CNTNAP2: variants seen among roughly 807,000 people sequenced by gnomAD.
CNTNAP2 encodes contactin associated protein 2.
Under a neutral mutation model 155.2 loss-of-function variants are expected in CNTNAP2, and 98 were observed. The observed-to-expected ratio is 0.63, with a 90% CI of 0.54 to 0.75. The LOEUF is 0.75. Ranked by LOEUF, CNTNAP2 falls within the 30% of genes least tolerant of loss-of-function variation. CNTNAP2 has a pLI of 0.00. For missense variants in CNTNAP2, 1,727 were observed against 1,688.1 expected, an observed-to-expected ratio of 1.02 and a Z score of -0.40; for synonymous variants, 651 against 631.2, an observed-to-expected ratio of 1.03 and a Z score of -0.47.
chr7:147,945,456 C>T (rs750536844), intron 14 of CNTNAP2, among the ~76,000 whole-genome samples: 14 of 151,896 alleles, frequency 9.2e-5, no homozygotes, highest in Middle Eastern at 3.4e-3. Flanking sequence ...ATTTGCAGTA[C>T]GAAGCAGGAA....
intron 13 of CNTNAP2, among the ~76,000 whole-genome samples, chr7:147,732,550 C>T (rs1404832654): frequency 2.0e-5 from 3 of 152,030 alleles, no homozygotes; most frequent in Admixed American, 2.0e-4. Flanking sequence ...GGGTATATAC[C>T]CAGTAATGGG....
intron 13 of CNTNAP2, among the ~76,000 whole-genome samples, chr7:147,858,454 G>C (rs897377122): frequency 6.6e-6 from 1 of 152,214 alleles, no homozygotes; most frequent in Non-Finnish European, 1.5e-5. Flanking sequence ...TGTTTTCTTA[G>C]AGCAAAAGAG....
At chr7:146,982,867 G>A (rs1330159958) in intron 3 of CNTNAP2, among the ~76,000 whole-genome samples, 2 of 152,060 alleles carry the variant, frequency 1.3e-5, no homozygotes, top group African/African-American at 4.8e-5. Flanking sequence ...CCAATTCTTT[G>A]ATATTGTTTA....
chr7:147,817,574 A>ATTT lies in CNTNAP2; in HGVS notation c.2099-85991_2099-85990insTTT, dbSNP rs563795007. On this transcript the variant is annotated intron_variant, in intron 13 of 23. Transcript: ENST00000361727. ...GAACTTATTCACGTAATTAAATGCC[A>ATTT]CCTGTACTCCAATAACTTATGGGAA... Among the ~76,000 whole-genome samples the ATTT allele has an allele frequency of 2.4e-3, 362 of 152,248 alleles. 1 individual carries two copies. Among genetic ancestry groups the ATTT allele is most frequent in the African/African-American group, 8.4e-3 (349 of 41,544 alleles).
At chr7:146,906,362 CAA>C (rs1323352406) in intron 3 of CNTNAP2, among the ~76,000 whole-genome samples, 2 of 152,142 alleles carry the variant, frequency 1.3e-5, no homozygotes, top group Non-Finnish European at 2.9e-5. Flanking sequence ...CACAGACAAA[CAA>C]AAAGACAGCA....
Position 148,415,666 on chromosome 7 carries a change from A to C in CNTNAP2, c.*50A>C, listed in dbSNP as rs750563425. 1 of 1,608,416 alleles carries C rather than the reference A, an allele frequency of 6.2e-7. No individual in the cohort carries two copies. The highest frequency in any genetic ancestry group is 1.3e-5 in the African/African-American group (1 of 74,812). ...AGGGAGGAGGGAATTACTAGGGAGG[A>C]GAGAAAGGGACAAAAGCACCCTGCT... On this transcript the variant is annotated 3_prime_UTR_variant, in exon 24 of 24. Coordinates refer to ENST00000361727, the MANE Select transcript of CNTNAP2 (RefSeq NM_014141.6).
rs141176815 is a variant in CNTNAP2 at position 147,288,769 on chromosome 7, G to T, written c.1349-11372G>T. On this transcript the variant is annotated intron_variant, in intron 8 of 23. Coordinates refer to ENST00000361727, the MANE Select transcript of CNTNAP2 (RefSeq NM_014141.6). ...CAATAAATGTCACTTTATGGATGAA[G>T]AATTGTATTCTTTAAAAGTCTGTAT... Among the ~76,000 whole-genome samples, 119 of 152,270 alleles carry T rather than the reference G, an allele frequency of 7.8e-4. No homozygotes were observed. In the Middle Eastern group the frequency reaches 0.01, roughly 13 times the overall value.
intron 14 of CNTNAP2, among the ~76,000 whole-genome samples, chr7:147,925,352 C>G (rs191818101): frequency 6.4e-4 from 97 of 150,800 alleles, no homozygotes; most frequent in African/African-American, 2.3e-3. Flanking sequence ...CATGATCATT[C>G]AACACAGGGT....
chr7:147,509,885 T>C (rs1411013480), intron 11 of CNTNAP2, among the ~76,000 whole-genome samples: 1 of 152,160 alleles, frequency 6.6e-6, no homozygotes, highest in Non-Finnish European at 1.5e-5. Context: ...TGAGTTTTAG[T>C]TACTGAACTT....
chr7:146,981,536 G>C (rs1314454517), intron 3 of CNTNAP2, among the ~76,000 whole-genome samples: 1 of 152,084 alleles, frequency 6.6e-6, no homozygotes, highest in Non-Finnish European at 1.5e-5. Flanking sequence ...TAAAAACCTA[G>C]TATGGATTTC....
chr7:146,504,399 A>C lies in CNTNAP2; in HGVS notation c.98-269872A>C, dbSNP rs147676405. Among the ~76,000 whole-genome samples the C allele has an allele frequency of 2.0e-5, 3 of 152,310 alleles. 1 individual carries two copies. The highest frequency in any genetic ancestry group is 7.2e-5 in the African/African-American group (3 of 41,576). On this transcript the variant is annotated intron_variant, in intron 1 of 23. Transcript: ENST00000361727. Reference sequence around the variant, plus strand: ...CTGGGAAACTCCTTGCAAAGCTGCTATGTTTTGTTGATTGTCAGGGATGAA... The same window carrying C: ...CTGGGAAACTCCTTGCAAAGCTGCTCTGTTTTGTTGATTGTCAGGGATGAA...
intron 9 of CNTNAP2, among the ~76,000 whole-genome samples, chr7:147,338,146 A>G (rs1213933207): frequency 6.6e-6 from 1 of 152,156 alleles, no homozygotes. Context: ...CAGGAAACTT[A>G]CAATCATGGT....
intron 20 of CNTNAP2, among the ~76,000 whole-genome samples, chr7:148,248,961 A>G (rs1563011159): frequency 6.6e-6 from 1 of 152,138 alleles, no homozygotes; most frequent in African/African-American, 2.4e-5. Flanking sequence ...TTCCCTGATG[A>G]CTGATGATGT....
At chr7:148,385,724 T>C (rs892004944) in intron 22 of CNTNAP2, among the ~76,000 whole-genome samples, 7 of 150,102 alleles carry the variant, frequency 4.7e-5, no homozygotes, top group Non-Finnish European at 8.8e-5. Flanking sequence ...AATCATGCTT[T>C]GAGTGTGACA....
intron 1 of CNTNAP2, among the ~76,000 whole-genome samples, chr7:146,660,145 G>A (rs76574875): frequency 0.083 from 12,608 of 152,234 alleles, 894 homozygotes; most frequent in African/African-American, 0.19. Flanking sequence ...ATAAGGGAGG[G>A]CAATACATAT....
chr7:147,733,580 A>G (rs959926784), intron 13 of CNTNAP2, among the ~76,000 whole-genome samples: 2 of 152,108 alleles, frequency 1.3e-5, no homozygotes, highest in Non-Finnish European at 2.9e-5. Context: ...CTTGATGGGG[A>G]TGGCATTGAA....
chr7:148,138,857 T>G (rs760458319), intron 16 of CNTNAP2, among the ~76,000 whole-genome samples: 1 of 152,204 alleles, frequency 6.6e-6, no homozygotes, highest in Non-Finnish European at 1.5e-5. Context: ...TTTGGAACTA[T>G]TTTTGCCTTC....
intron 8 of CNTNAP2, among the ~76,000 whole-genome samples, chr7:147,284,150 C>T (rs982787868): frequency 3.3e-5 from 5 of 151,550 alleles, no homozygotes; most frequent in Non-Finnish European, 7.4e-5. Flanking sequence ...TTTTAATGTG[C>T]CCTAAATAAC....
intron 13 of CNTNAP2, among the ~76,000 whole-genome samples, chr7:147,813,833 G>A (rs1798219219): frequency 6.6e-6 from 1 of 152,150 alleles, no homozygotes; most frequent in Non-Finnish European, 1.5e-5. Context: ...TGAGATTGAA[G>A]GAATCTGGTA....
Sources: allele counts gnomAD v4.1 joint callset (sites outside exome capture counted in the v4.1 genomes callset), GRCh38; gene constraint gnomAD v4.1.1; transcripts MANE v1.5; gene names NCBI Gene and HGNC (gene_info 2026-07-23, HGNC 2026-07-21).